Variants in NELL1 observed in about 807,000 individuals in gnomAD.
NELL1 encodes the protein neural EGFL like 1.
A neutral mutation model predicts 107.4 loss-of-function variants in NELL1; 76 were observed. That is an observed-to-expected ratio of 0.71 (90% CI 0.59 to 0.86). The LOEUF is 0.86. NELL1 is among the 40% of genes least tolerant of loss of function. NELL1 has a pLI of 0.00. For missense variants in NELL1, 1,024 were observed against 1,005.5 expected, an observed-to-expected ratio of 1.02 and a Z score of -0.25; for synonymous variants, 353 against 341.2, an observed-to-expected ratio of 1.03 and a Z score of -0.38.
chr11:21,081,675 C>G (rs2133671474), intron 12 of NELL1, among the ~76,000 whole-genome samples: 1 of 152,252 alleles, frequency 6.6e-6, no homozygotes, highest in African/African-American at 2.4e-5. Context: ...GTCTCAAATT[C>G]ATATAATTTT....
At chr11:21,187,779 A>G (rs1856966078) in intron 13 of NELL1, among the ~76,000 whole-genome samples, 1 of 151,876 alleles carries the variant, frequency 6.6e-6, no homozygotes, top group Admixed American at 6.5e-5. Flanking sequence ...TTTCAGATTA[A>G]AAAGCTGAGG....
intron 13 of NELL1, among the ~76,000 whole-genome samples, chr11:21,143,621 C>A (rs1016411393): frequency 2.6e-5 from 4 of 152,164 alleles, no homozygotes; most frequent in African/African-American, 9.7e-5. Flanking sequence ...GTAGAACTAT[C>A]CATTGGCTGA....
At chr11:21,361,079 G>A (rs980002840) in intron 14 of NELL1, among the ~76,000 whole-genome samples, 1 of 151,972 alleles carries the variant, frequency 6.6e-6, no homozygotes, top group African/African-American at 2.4e-5. Flanking sequence ...TATGCTTTAA[G>A]GAGTTTCTTT....
intron 15 of NELL1, among the ~76,000 whole-genome samples, chr11:21,437,828 CT>C (rs1190860056): frequency 2.0e-5 from 3 of 152,134 alleles, no homozygotes; most frequent in African/African-American, 4.8e-5. Flanking sequence ...ATATTTGGGT[CT>C]TTTTTTAAAA....
intron 13 of NELL1, among the ~76,000 whole-genome samples, chr11:21,117,463 T>C (rs1438717714): frequency 1.3e-5 from 2 of 151,976 alleles, no homozygotes; most frequent in Non-Finnish European, 2.9e-5. Context: ...GCTACTTGAC[T>C]TTGGGCAAAT....
intron 16 of NELL1, among the ~76,000 whole-genome samples, chr11:21,553,450 T>C (rs1856637806): frequency 6.6e-6 from 1 of 151,872 alleles, no homozygotes; most frequent in Non-Finnish European, 1.5e-5. Flanking sequence ...CAAAACTAGT[T>C]CTTTCCTTCA....
chr11:21,117,689 A>G (rs1855270434), intron 13 of NELL1, among the ~76,000 whole-genome samples: 1 of 151,962 alleles, frequency 6.6e-6, no homozygotes, highest in Non-Finnish European at 1.5e-5. Flanking sequence ...CTATTTGTCT[A>G]TCTCTGATCA....
At chr11:21,392,445 T>G (rs1396572472) in intron 15 of NELL1, among the ~76,000 whole-genome samples, 1 of 151,818 alleles carries the variant, frequency 6.6e-6, no homozygotes, top group Non-Finnish European at 1.5e-5. Flanking sequence ...TTTTCTAGAT[T>G]CCAAAATTAT....
At chr11:21,337,520 C>T (rs1850432660) in intron 14 of NELL1, among the ~76,000 whole-genome samples, 1 of 152,218 alleles carries the variant, frequency 6.6e-6, no homozygotes, top group African/African-American at 2.4e-5. Context: ...AGACAGCATA[C>T]AGGAGCTCTT....
intron 15 of NELL1, among the ~76,000 whole-genome samples, chr11:21,431,566 A>G (rs1489851113): frequency 6.6e-6 from 1 of 152,192 alleles, no homozygotes; most frequent in Non-Finnish European, 1.5e-5. Context: ...AAATTTTGAC[A>G]TTGTATGTAG....
chr11:20,805,649 C>T (rs1857367308), intron 3 of NELL1, among the ~76,000 whole-genome samples: 1 of 152,120 alleles, frequency 6.6e-6, no homozygotes, highest in African/African-American at 2.4e-5. Context: ...ACTACAGGTG[C>T]CCACCACCAT....
At chr11:20,922,012 T>C (rs1850389970) in intron 7 of NELL1, among the ~76,000 whole-genome samples, 1 of 152,112 alleles carries the variant, frequency 6.6e-6, no homozygotes, top group South Asian at 2.1e-4. Context: ...TTTTTTTTCC[T>C]TCTAGCTGGT....
chr11:20,947,459 A>G (rs1474495938), intron 11 of NELL1, 24 bp downstream of exon 11: 2 of 1,562,266 alleles, frequency 1.3e-6, no homozygotes, highest in African/African-American at 1.4e-5. Flanking sequence ...GTGGTGGGCC[A>G]TGCGTGGGGT....
intron 9 of NELL1, among the ~76,000 whole-genome samples, chr11:20,930,697 C>A (rs1006725594): frequency 1.3e-5 from 2 of 151,864 alleles, no homozygotes; most frequent in African/African-American, 4.8e-5. Context: ...GTGGGACGGT[C>A]ATTTTTCTTT....
intron 14 of NELL1, among the ~76,000 whole-genome samples, chr11:21,366,887 G>T (rs2133747162): frequency 6.6e-6 from 1 of 152,238 alleles, no homozygotes; most frequent in Non-Finnish European, 1.5e-5. Flanking sequence ...ATTATGAGAA[G>T]TGTTTAGAAA....
At chr11:20,674,857 G>A (rs970655439) in intron 1 of NELL1, among the ~76,000 whole-genome samples, 20 of 152,172 alleles carry the variant, frequency 1.3e-4, no homozygotes, top group East Asian at 3.8e-4. Context: ...AGATTTGAGC[G>A]TCTTAAGGAT....
chr11:21,305,967 T>C (rs1409217182), intron 14 of NELL1, among the ~76,000 whole-genome samples: 12 of 151,998 alleles, frequency 7.9e-5, no homozygotes, highest in Admixed American at 7.9e-4. Context: ...GTGAAATTAC[T>C]GGATCAAAGG....
chr11:21,203,380 C>T (rs1479928713), intron 13 of NELL1, among the ~76,000 whole-genome samples: 1 of 150,526 alleles, frequency 6.6e-6, no homozygotes, highest in Non-Finnish European at 1.5e-5. Flanking sequence ...ATGTAATGCC[C>T]TTCTGTGTCT....
intron 1 of NELL1, among the ~76,000 whole-genome samples, chr11:20,675,796 C>T (rs141574864): frequency 2.0e-5 from 3 of 151,652 alleles, no homozygotes; most frequent in East Asian, 1.9e-4. Context: ...TTTTTTGATA[C>T]AGAGTTTCAC....
Sources: gnomAD v4.1 joint callset for allele counts (sites outside exome capture counted in the v4.1 genomes callset) on GRCh38, gnomAD v4.1.1 for gene constraint, MANE v1.5 for transcripts, NCBI Gene and HGNC (gene_info 2026-07-23, HGNC 2026-07-21) for gene names.